Variants in CAMKMT observed in about 807,000 individuals in gnomAD.
CAMKMT encodes calmodulin-lysine N-methyltransferase.
In CAMKMT, 53 loss-of-function variants were observed where a neutral mutation model predicts 48.0. That is an observed-to-expected ratio of 1.10 (90% CI 0.89 to 1.39). The LOEUF is 1.39. Among genes scored for constraint, CAMKMT ranks in the 40% most tolerant of loss-of-function variants. The probability of loss-of-function intolerance (pLI) is 0.00; values close to 1 mark genes in which losing one functional copy is unlikely to be tolerated. For missense variants in CAMKMT, 428 were observed against 402.7 expected (o/e 1.06, Z -0.54); for synonymous variants, 165 against 152.3 (o/e 1.08, Z -0.61).
intron 3 of CAMKMT, among the ~76,000 whole-genome samples, chr2:44,480,832 A>G (rs575211007): frequency 6.6e-6 from 1 of 152,126 alleles, no homozygotes; most frequent in African/African-American, 2.4e-5. Flanking sequence ...TGTGAAATGA[A>G]TACATTATTT....
At chr2:44,678,088 T>G (rs1446721949) in intron 3 of CAMKMT, among the ~76,000 whole-genome samples, 1 of 152,142 alleles carries the variant, frequency 6.6e-6, no homozygotes, top group African/African-American at 2.4e-5. Context: ...AATCCTAAAC[T>G]AACTGTGTTC....
At chr2:44,611,737 A>G (rs918227420) in intron 3 of CAMKMT, among the ~76,000 whole-genome samples, 1 of 151,926 alleles carries the variant, frequency 6.6e-6, no homozygotes. Context: ...CTTTACAGGA[A>G]GCATGGTGCC....
intron 3 of CAMKMT, among the ~76,000 whole-genome samples, chr2:44,700,620 T>C (rs1677204069): frequency 6.6e-6 from 1 of 152,166 alleles, no homozygotes; most frequent in Non-Finnish European, 1.5e-5. Flanking sequence ...ACAAGATTTA[T>C]TGATTAAGTT....
At chr2:44,567,579 T>G (rs1668683096) in intron 3 of CAMKMT, among the ~76,000 whole-genome samples, 1 of 152,154 alleles carries the variant, frequency 6.6e-6, no homozygotes, top group African/African-American at 2.4e-5. Flanking sequence ...AGGGTCCCAT[T>G]TGGAGGAAGC....
intron 3 of CAMKMT, among the ~76,000 whole-genome samples, chr2:44,451,661 T>G (rs547557771): frequency 6.6e-6 from 1 of 152,126 alleles, no homozygotes; most frequent in African/African-American, 2.4e-5. Context: ...TTGCTATTCT[T>G]TATTTCATTT....
At chr2:44,656,569 G>A (rs1674388226) in intron 3 of CAMKMT, among the ~76,000 whole-genome samples, 1 of 152,034 alleles carries the variant, frequency 6.6e-6, no homozygotes, top group Non-Finnish European at 1.5e-5. Context: ...AATACAAATA[G>A]CTGTTGACAT....
chr2:44,595,276 A>G (rs1670582281), intron 3 of CAMKMT, among the ~76,000 whole-genome samples: 1 of 152,152 alleles, frequency 6.6e-6, no homozygotes, highest in Non-Finnish European at 1.5e-5. Context: ...TAGAAATACC[A>G]TTTGACCCAG....
chr2:44,690,077 T>A (rs187544112), intron 3 of CAMKMT, among the ~76,000 whole-genome samples: 2 of 152,238 alleles, frequency 1.3e-5, no homozygotes, highest in African/African-American at 4.8e-5. Flanking sequence ...GAAATAGACA[T>A]GTAATGAAGA....
Position 44,531,094 on chromosome 2 carries a change from C to T in CAMKMT, c.376+140789C>T, listed in dbSNP as rs1358194356. On this transcript the variant is annotated intron_variant, in intron 3 of 10. Coordinates refer to ENST00000378494, the MANE Select transcript of CAMKMT (RefSeq NM_024766.5). Reference sequence around the variant, plus strand: ...AAAATCTCATTTTCTAGTCACAAGACAAACTGAGGATAATTCTTCCCTTCC... The same window carrying T: ...AAAATCTCATTTTCTAGTCACAAGATAAACTGAGGATAATTCTTCCCTTCC... 4.6e-5 allele frequency among the ~76,000 whole-genome samples: 7 copies of T among 152,088 alleles called. No individual in the cohort carries two copies. The East Asian group carries it at 1.4e-3, about 29-fold the overall frequency.
chr2:44,603,058 A>G (rs1435659683), intron 3 of CAMKMT, among the ~76,000 whole-genome samples: 1 of 152,022 alleles, frequency 6.6e-6, no homozygotes, highest in Non-Finnish European at 1.5e-5. Flanking sequence ...ACACACATAT[A>G]TAGATACACA....
At chr2:44,420,826 CT>C (rs529869228) in intron 3 of CAMKMT, among the ~76,000 whole-genome samples, 6,930 of 145,750 alleles carry the variant, frequency 0.048, 210 homozygotes, top group South Asian at 0.074. Context: ...CAGAAGCTTA[CT>C]TTTTTTTTTT....
chr2:44,491,855 T>A (rs929845832), intron 3 of CAMKMT, among the ~76,000 whole-genome samples: 5 of 152,236 alleles, frequency 3.3e-5, no homozygotes, highest in Non-Finnish European at 4.4e-5. Flanking sequence ...TATCAACAAA[T>A]TTATAAGAAA....
intron 3 of CAMKMT, among the ~76,000 whole-genome samples, chr2:44,637,689 A>G (rs976132604): frequency 6.6e-6 from 1 of 152,134 alleles, no homozygotes; most frequent in African/African-American, 2.4e-5. Context: ...TAAGAAGCCT[A>G]TTAGTAATCC....
chr2:44,703,130 T>C (rs1475487157), intron 3 of CAMKMT, among the ~76,000 whole-genome samples: 3 of 152,162 alleles, frequency 2.0e-5, no homozygotes, highest in Admixed American at 2.0e-4. Context: ...AAAACATAAT[T>C]TTTATAAGGT....
chr2:44,623,609 C>G (rs1672315049), intron 3 of CAMKMT, among the ~76,000 whole-genome samples: 1 of 152,106 alleles, frequency 6.6e-6, no homozygotes, highest in Non-Finnish European at 1.5e-5. Context: ...TTGTTTTTGT[C>G]AACTTTGTTG....
At chr2:44,632,172 G>T (rs1672870681) in intron 3 of CAMKMT, among the ~76,000 whole-genome samples, 1 of 152,006 alleles carries the variant, frequency 6.6e-6, no homozygotes, top group African/African-American at 2.4e-5. Context: ...ATATATACCT[G>T]AGTTTCTATG....
At chr2:44,652,467 C>T (rs1486201663) in intron 3 of CAMKMT, among the ~76,000 whole-genome samples, 3 of 152,168 alleles carry the variant, frequency 2.0e-5, no homozygotes, top group African/African-American at 7.2e-5. Context: ...GAGAAGTAAC[C>T]AGGGATGACA....
chr2:44,424,954 A>C (rs1684184529), intron 3 of CAMKMT, among the ~76,000 whole-genome samples: 1 of 152,224 alleles, frequency 6.6e-6, no homozygotes, highest in South Asian at 2.1e-4. Flanking sequence ...GAATGGGGAC[A>C]AAACTGTAAA....
At chr2:44,717,195 C>T (rs974152331) in intron 7 of CAMKMT, among the ~76,000 whole-genome samples, 1 of 152,132 alleles carries the variant, frequency 6.6e-6, no homozygotes, top group African/African-American at 2.4e-5. Flanking sequence ...GACATATAGA[C>T]TATATGTCAA....
Sources: gnomAD v4.1 joint callset for allele counts (sites outside exome capture counted in the v4.1 genomes callset) on GRCh38, gnomAD v4.1.1 for gene constraint, MANE v1.5 for transcripts, NCBI Gene and HGNC (gene_info 2026-07-23, HGNC 2026-07-21) for gene names.